VEGFC: variants seen among roughly 807,000 people sequenced by gnomAD.
VEGFC encodes vascular endothelial growth factor C, also known as FLT4 ligand DHM.
In VEGFC, 12 loss-of-function variants were observed where a neutral mutation model predicts 46.1. The observed-to-expected ratio is 0.26, with a 90% CI of 0.17 to 0.42. VEGFC has a LOEUF of 0.42. VEGFC is among the 10% of genes least tolerant of loss of function. VEGFC has a pLI of 1.00. For missense variants in VEGFC, 488 were observed against 529.4 expected (o/e 0.92, Z 0.77); for synonymous variants, 232 against 195.5 (o/e 1.19, Z -1.56).
At chr4:176,694,914 A>G (rs367975164) in intron 4 of VEGFC, among the ~76,000 whole-genome samples, 25,655 of 138,356 alleles carry the variant, frequency 0.19, 3,775 homozygotes, top group African/African-American at 0.46. Context: ...AGAAATAAAG[A>G]TGTTCTTTGA....
chr4:176,787,623 G>T lies in VEGFC; in HGVS notation c.147+4542C>A, dbSNP rs563365343. On this transcript the variant is annotated intron_variant, in intron 1 of 6. Transcript: ENST00000618562. ...TGACAAAGCATTTAATGTACAATTT[G>T]ATTAATTCCATGATGGATGCCCAAT... 3.9e-5 allele frequency among the ~76,000 whole-genome samples: 6 copies of T among 152,024 alleles called. No homozygotes were observed. In the East Asian group the frequency reaches 1.2e-3, roughly 29 times the overall value.
rs1734621081 is a variant in VEGFC, at chr4:176,711,611, G to C, written c.592C>G (p.Pro198Ala). ...TGATTGGCAAAACTGATTGTTACTG[G>C]TTTGGGGCCTTGAGAGAGAGGCACT... ...ITVPLSQGPK[P>A]VTISFANHTS... is the part of the protein sequence containing the mutation. The change falls in exon 4 of 7, where the codon CCA becomes GCA. Residue 198 changes from proline (P) to alanine (A), a missense_variant. Coordinates refer to ENST00000618562, the MANE Select transcript of VEGFC (RefSeq NM_005429.5). 2 of 1,613,522 alleles carry C rather than the reference G, an allele frequency of 1.2e-6. No homozygotes were observed. Among genetic ancestry groups the C allele is most frequent in the Non-Finnish European group, 1.7e-6 (2 of 1,179,730 alleles).
intron 1 of VEGFC, among the ~76,000 whole-genome samples, chr4:176,785,348 T>C (rs1735983523): frequency 6.6e-6 from 1 of 152,244 alleles, no homozygotes; most frequent in Admixed American, 6.5e-5. Context: ...CAAACTTCTT[T>C]AGAAGTGAGT....
intron 1 of VEGFC, among the ~76,000 whole-genome samples, chr4:176,730,461 T>C (rs1734944371): frequency 6.6e-6 from 1 of 151,922 alleles, no homozygotes; most frequent in Non-Finnish European, 1.5e-5. Context: ...TAAATACAAT[T>C]TTTTTCTAAT....
chr4:176,717,240 C>G (rs1734714444), intron 3 of VEGFC, among the ~76,000 whole-genome samples: 1 of 151,020 alleles, frequency 6.6e-6, no homozygotes, highest in Admixed American at 6.6e-5. Flanking sequence ...TGGAGAAGAT[C>G]AAAAGGACAT....
intron 1 of VEGFC, among the ~76,000 whole-genome samples, chr4:176,774,318 AAATT>A (rs1300877269): frequency 6.6e-6 from 1 of 152,182 alleles, no homozygotes; most frequent in Non-Finnish European, 1.5e-5. Flanking sequence ...AACCCAGCAA[AAATT>A]ATGAGAATTA....
At chr4:176,699,327 G>A (rs531009916) in intron 4 of VEGFC, among the ~76,000 whole-genome samples, 103 of 152,238 alleles carry the variant, frequency 6.8e-4, no homozygotes, top group African/African-American at 2.3e-3. Context: ...GTCACTCAGC[G>A]GGTTATCCAA....
chr4:176,755,293 GC>G (rs1735413836), intron 1 of VEGFC, among the ~76,000 whole-genome samples: 1 of 151,938 alleles, frequency 6.6e-6, no homozygotes, highest in African/African-American at 2.4e-5. Flanking sequence ...AACCCATGCT[GC>G]CCACTTACAG....
chr4:176,754,020 C>T (rs1337050021), intron 1 of VEGFC, among the ~76,000 whole-genome samples: 2 of 152,058 alleles, frequency 1.3e-5, no homozygotes, highest in Non-Finnish European at 2.9e-5. Context: ...AATATTATTA[C>T]TGTAACCATA....
chr4:176,705,332 A>ATATGAGAGG (rs1734514638), intron 4 of VEGFC, among the ~76,000 whole-genome samples: 1 of 152,156 alleles, frequency 6.6e-6, no homozygotes, highest in Admixed American at 6.5e-5. Context: ...TTTGAAGAAA[A>ATATGAGAGG]TATGAGAGGA....
At chr4:176,762,014 G>A (rs990682296) in intron 1 of VEGFC, among the ~76,000 whole-genome samples, 2 of 152,156 alleles carry the variant, frequency 1.3e-5, no homozygotes, top group African/African-American at 4.8e-5. Context: ...GCGAAGCTCA[G>A]GGAAGAGGTG....
At chr4:176,684,637 C>T (rs1419540464) in intron 6 of VEGFC, among the ~76,000 whole-genome samples, 1 of 152,164 alleles carries the variant, frequency 6.6e-6, no homozygotes, top group Non-Finnish European at 1.5e-5. Context: ...GGGTCCCCTT[C>T]CTCCCATCCT....
At position 176,687,334 on chromosome 4, in the gene VEGFC, T is replaced by C. The variant is rs1283699011; in HGVS notation, c.998A>G (p.Glu333Gly). ...LFPSQCGANR[E>G]FDENTCQCVC... ...ACACTGGCATGTGTTTTCATCAAAT[T>C]CTCGGTTGGCCCCACATTGGCTGGG... Residue 333 changes from glutamate to glycine, a missense_variant, in exon 6 of 7, where the codon GAA becomes GGA. By Grantham distance (98) the Glu-to-Gly change is moderately conservative (BLOSUM62 -2). Coordinates refer to ENST00000618562, the MANE Select transcript of VEGFC (RefSeq NM_005429.5). 6.2e-7 allele frequency: 1 copy of C among 1,614,178 alleles called. No individual in the cohort carries two copies. The highest frequency in any genetic ancestry group is 2.2e-5 in the East Asian group (1 of 44,868).
intron 1 of VEGFC, among the ~76,000 whole-genome samples, chr4:176,791,501 C>T (rs1736092279): frequency 6.9e-6 from 1 of 145,582 alleles, no homozygotes; most frequent in Non-Finnish European, 1.5e-5. Flanking sequence ...AAAAAAAAAA[C>T]TTAGTTTGCA....
chr4:176,723,836 G>A (rs1470095378), intron 3 of VEGFC, among the ~76,000 whole-genome samples: 2 of 143,548 alleles, frequency 1.4e-5, no homozygotes, highest in African/African-American at 5.2e-5. Flanking sequence ...TTTAGGTTTG[G>A]GGTTTTATTT....
At chr4:176,728,016 TA>T (rs757349565) in intron 2 of VEGFC, 48 bp from the exon 3 acceptor site, 7 of 1,482,468 alleles carry the variant, frequency 4.7e-6, no homozygotes, top group Admixed American at 2.2e-5. Flanking sequence ...ACCACCAAGA[TA>T]AAAAAAGCCC....
At chr4:176,788,403 A>T (rs1736037717) in intron 1 of VEGFC, among the ~76,000 whole-genome samples, 1 of 152,214 alleles carries the variant, frequency 6.6e-6, no homozygotes, top group African/African-American at 2.4e-5. Context: ...GCCTTCCTGC[A>T]CGCTGCTATA....
intron 1 of VEGFC, among the ~76,000 whole-genome samples, chr4:176,754,915 T>A (rs1735406652): frequency 1.3e-5 from 2 of 152,248 alleles, no homozygotes; most frequent in South Asian, 4.1e-4. Context: ...CATAAAAATA[T>A]AACTTTCTCA....
Position 176,683,748 on chromosome 4 carries a change from G to A in VEGFC, c.*178C>T, listed in dbSNP as rs1733984089. 6.9e-6 allele frequency: 3 copies of A among 435,948 alleles called. No individual in the cohort carries two copies. Among genetic ancestry groups the A allele is most frequent in the Non-Finnish European group, 1.2e-5 (3 of 245,970 alleles). 27.0% of individuals were successfully genotyped at this position (435,948 alleles called of 1,614,324 possible). A position where few individuals can be genotyped will look rare whatever the true frequency, so the allele number is the denominator to read the frequency against. ...TGGCAGAAAACCAGTCTTTACAAGAGGCCTTTTGCAGATGAGCTCCAGTCC... is the reference window on the plus strand; with the variant it reads ...TGGCAGAAAACCAGTCTTTACAAGAAGCCTTTTGCAGATGAGCTCCAGTCC... On this transcript the variant is annotated 3_prime_UTR_variant, in exon 7 of 7. Coordinates refer to ENST00000618562, the MANE Select transcript of VEGFC (RefSeq NM_005429.5).
Sources: allele counts gnomAD v4.1 joint callset (sites outside exome capture counted in the v4.1 genomes callset), GRCh38; gene constraint gnomAD v4.1.1; transcripts MANE v1.5; gene names NCBI Gene and HGNC (gene_info 2026-07-23, HGNC 2026-07-21).